Variants in USP53 observed in about 807,000 individuals in gnomAD.
USP53 encodes the protein ubiquitin carboxyl-terminal hydrolase 53.
In USP53, 71 loss-of-function variants were observed where a neutral mutation model predicts 94.9. That is an observed-to-expected ratio of 0.75 (90% CI 0.62 to 0.91). The LOEUF is 0.91. Among genes scored for constraint, USP53 ranks in the 40% least tolerant of loss-of-function variants. The pLI, the probability that USP53 is intolerant of heterozygous loss-of-function variation, is 0.00. For synonymous variants in USP53, 375 were observed against 422.7 expected (o/e 0.89, Z 1.39); for missense variants, 1,173 against 1,281.0 (o/e 0.92, Z 1.29).
intron 16 of USP53, 71 bp from the exon 17 acceptor site, chr4:119,273,561 T>C (rs1249869781): frequency 1.8e-5 from 19 of 1,056,276 alleles, no homozygotes; most frequent in Non-Finnish European, 2.0e-5. Context: ...TTAACAAATG[T>C]TGTTTTTTTT....
At chr4:119,213,946 G>A (rs1455899428) in intron 1 of USP53, 124 bp from the exon 2 acceptor site, 3 of 151,698 alleles carry the variant, frequency 2.0e-5, no homozygotes, top group African/African-American at 7.3e-5. Context: ...TTCACTTTTA[G>A]TTATTAAAAG....
At chr4:119,232,439 G>A (rs1746191648) in intron 3 of USP53, among the ~76,000 whole-genome samples, 1 of 152,130 alleles carries the variant, frequency 6.6e-6, no homozygotes, top group South Asian at 2.1e-4. Context: ...TTTTTTAAAT[G>A]TTCATTCATG....
In USP53 at chr4:119,260,514, G is replaced by A; in HGVS notation, c.683G>A (p.Cys228Tyr). ...TDDYRKCPSNCGQKIKIRRVL... is the reference protein window; with the variant it reads ...TDDYRKCPSNYGQKIKIRRVL... Reference sequence around the variant, plus strand: ...TTTTATGTTTTTCTGTAGAGTAACTGTGGCCAAAAAATAAAAATTCGCCGT... The same window carrying A: ...TTTTATGTTTTTCTGTAGAGTAACTATGGCCAAAAAATAAAAATTCGCCGT... The change falls in exon 11 of 19, where the codon TGT becomes TAT. Residue 228 changes from cysteine to tyrosine, a missense_variant. By Grantham distance (194) the Cys-to-Tyr change is radical. Transcript: ENST00000692078. 6.2e-7 allele frequency: 1 copy of A among 1,613,288 alleles called. No individual in the cohort carries two copies. The highest frequency in any genetic ancestry group is 8.5e-7 in the Non-Finnish European group (1 of 1,179,558).
chr4:119,280,261 T>G (rs1753357228), intron 17 of USP53, among the ~76,000 whole-genome samples: 1 of 152,136 alleles, frequency 6.6e-6, no homozygotes, highest in African/African-American at 2.4e-5. Flanking sequence ...GCATTTTAAG[T>G]GTCCACATTA....
chr4:119,232,779 G>T (rs1450215929), intron 3 of USP53, among the ~76,000 whole-genome samples: 1 of 152,058 alleles, frequency 6.6e-6, no homozygotes, highest in Non-Finnish European at 1.5e-5. Context: ...TGTCACATTT[G>T]TATGAGGTTT....
chr4:119,260,880 T>C (rs780104616), intron 11 of USP53, among the ~76,000 whole-genome samples: 5 of 151,994 alleles, frequency 3.3e-5, no homozygotes, highest in Non-Finnish European at 5.9e-5. Context: ...ATGGCCATGA[T>C]TGTAAATATA....
intron 3 of USP53, chr4:119,218,867 A>G (rs1330548679): frequency 6.6e-6 from 1 of 152,172 alleles, no homozygotes; most frequent in Non-Finnish European, 1.5e-5. Flanking sequence ...TAGTAAGATG[A>G]GCAGTTGTAG....
intron 3 of USP53, among the ~76,000 whole-genome samples, chr4:119,224,162 G>A (rs566362261): frequency 6.6e-6 from 1 of 152,204 alleles, no homozygotes; most frequent in South Asian, 2.1e-4. Context: ...ACCACACCCG[G>A]CTGATTTTTG....
Position 119,291,278 on chromosome 4 carries a change from T to C in USP53, c.2348+17T>C, listed in dbSNP as rs1561361767. The C allele has an allele frequency of 6.1e-6, 9 of 1,484,634 alleles. No homozygotes were observed. Among genetic ancestry groups the C allele is most frequent in the African/African-American group, 2.8e-5 (2 of 70,204 alleles). 92.0% of individuals were successfully genotyped at this position (1,484,634 alleles called of 1,614,324 possible). A position where few individuals can be genotyped will look rare whatever the true frequency, so the allele number is the denominator to read the frequency against. ...GATAAAAAGGTAACCATATTTTTTTTCCCTAAATACATGTATTATAGGCAC... is the reference window on the plus strand; with the variant it reads ...GATAAAAAGGTAACCATATTTTTTTCCCCTAAATACATGTATTATAGGCAC... On this transcript the variant is annotated intron_variant, in intron 18 of 18. Transcript: ENST00000692078.
At chr4:119,249,298 CAG>C (rs764783574) in intron 7 of USP53, among the ~76,000 whole-genome samples, 3 of 152,080 alleles carry the variant, frequency 2.0e-5, no homozygotes, top group Non-Finnish European at 4.4e-5. Flanking sequence ...TGGTGGGTAA[CAG>C]GGGCAACAGC....
rs754167351 is a variant in USP53 at position 119,271,301 on chromosome 4, G to T, written c.1441G>T (p.Val481Phe). The change falls in exon 16 of 19, where the codon GTT (valine) becomes TTT (phenylalanine). Residue 481 changes from valine (V) to phenylalanine (F), a missense_variant. Coordinates refer to ENST00000692078, the MANE Select transcript of USP53 (RefSeq NM_001371395.1). ...CTTTAATTTTTTTTTTTAAGATTTGGTTGATGAAGACCTTTCACATTTCCA... is the reference window on the plus strand; with the variant it reads ...CTTTAATTTTTTTTTTTAAGATTTGTTTGATGAAGACCTTTCACATTTCCA... ...RKDLGRHRDL[V>F]DEDLSHFQSG... The T allele has an allele frequency of 5.8e-6, 9 of 1,539,108 alleles. No homozygotes were observed. Among genetic ancestry groups the T allele is most frequent in the Non-Finnish European group, 5.2e-6 (6 of 1,148,522 alleles).
chr4:119,269,810 C>CA lies in USP53; in HGVS notation c.1411dup (p.Arg471LysfsTer8). ...ACAAAGGAAAGATTTAGAGAAGGGACAAAGAAAAGATTTAGGACGACATAG... is the reference window on the plus strand; with the variant it reads ...ACAAAGGAAAGATTTAGAGAAGGGACAAAAGAAAAGATTTAGGACGACATAG... On this transcript the variant is annotated frameshift_variant, in exon 15 of 19. Transcript: ENST00000692078. LOFTEE classifies it high-confidence loss of function. 1.3e-6 allele frequency: 2 copies of CA among 1,500,870 alleles called. No homozygotes were observed. The highest frequency in any genetic ancestry group is 1.8e-6 in the Non-Finnish European group (2 of 1,125,918). The allele number at this position is 1,500,870 out of a possible 1,614,324, so 93.0% of individuals were successfully genotyped here.
chr4:119,266,159 C>T (rs1751102092), intron 12 of USP53: 1 of 414,672 alleles, frequency 2.4e-6, no homozygotes, highest in Non-Finnish European at 4.8e-6. Flanking sequence ...CTTCCTTTAG[C>T]ATAATGTCTT....
chr4:119,257,812 AT>A (rs1260221119), intron 9 of USP53, among the ~76,000 whole-genome samples: 15 of 152,322 alleles, frequency 9.8e-5, no homozygotes, highest in Admixed American at 7.8e-4. Context: ...GTCGTCAGTC[AT>A]TTTTTTAAAT....
intron 17 of USP53, among the ~76,000 whole-genome samples, chr4:119,289,405 G>GT (rs2149481118): frequency 6.6e-6 from 1 of 152,200 alleles, no homozygotes; most frequent in East Asian, 1.9e-4. Context: ...AAAAAGTAAA[G>GT]TAACATCTTA....
intron 13 of USP53, 134 bp downstream of exon 13, chr4:119,267,616 G>C: frequency 1.9e-6 from 2 of 1,056,088 alleles, no homozygotes; most frequent in Non-Finnish European, 2.6e-6. Context: ...GGAAATTTTA[G>C]TAATTTTTGT....
At chr4:119,214,638 A>G (rs1340067382) in intron 2 of USP53, among the ~76,000 whole-genome samples, 9 of 151,802 alleles carry the variant, frequency 5.9e-5, no homozygotes, top group Middle Eastern at 3.4e-3. Context: ...AAAAATCACA[A>G]TACTCTTAAG....
intron 3 of USP53, among the ~76,000 whole-genome samples, chr4:119,227,193 A>G (rs375983906): frequency 9.9e-5 from 15 of 151,330 alleles, no homozygotes; most frequent in African/African-American, 3.4e-4. Context: ...ACTCATTTTA[A>G]AAAATGGTGC....
At chr4:119,230,927 A>G (rs1287729828) in intron 3 of USP53, among the ~76,000 whole-genome samples, 1 of 152,144 alleles carries the variant, frequency 6.6e-6, no homozygotes, top group Admixed American at 6.6e-5. Flanking sequence ...AAGTGGGTAC[A>G]TGTTCCATGA....
Sources: gnomAD v4.1 joint callset for allele counts (sites outside exome capture counted in the v4.1 genomes callset) on GRCh38, gnomAD v4.1.1 for gene constraint, MANE v1.5 for transcripts, NCBI Gene and HGNC (gene_info 2026-07-23, HGNC 2026-07-21) for gene names.